NNMT: variants seen among roughly 807,000 people sequenced by gnomAD.
The protein encoded by NNMT is nicotinamide N-methyltransferase.
In NNMT, 10 loss-of-function variants were observed where a neutral mutation model predicts 11.7. The observed-to-expected ratio is 0.85, with a 90% CI of 0.53 to 1.45. The LOEUF (loss-of-function observed/expected upper bound fraction) is 1.45, where lower values mean the gene tolerates loss of function less well. Among genes scored for constraint, NNMT ranks in the 40% most tolerant of loss-of-function variants. The pLI is 0.00. For missense variants in NNMT, 381 were observed against 319.4 expected, an observed-to-expected ratio of 1.19 and a Z score of -1.47; for synonymous variants, 143 against 133.8, an observed-to-expected ratio of 1.07 and a Z score of -0.48.
chr11:114,306,517 A>G (rs1945493293), intron 2 of NNMT, among the ~76,000 whole-genome samples: 1 of 152,106 alleles, frequency 6.6e-6, no homozygotes, highest in African/African-American at 2.4e-5. Flanking sequence ...TCTTGAATTA[A>G]TTTTTGCATA....
chr11:114,295,379 C>G (rs1490483323), upstream of NNMT, among the ~76,000 whole-genome samples: 1 of 148,426 alleles, frequency 6.7e-6, no homozygotes, highest in African/African-American at 2.5e-5. Context: ...CATCCCTACT[C>G]TGTCTCAAAG....
chr11:114,289,160 T>C (rs546862037), intron 2 of NNMT, among the ~76,000 whole-genome samples: 7 of 152,344 alleles, frequency 4.6e-5, no homozygotes, highest in Admixed American at 4.6e-4. Flanking sequence ...ATTTAATGTT[T>C]CAATGTATAG....
chr11:114,270,341 GT>G (rs1389836444), intron 2 of NNMT: 11 of 152,282 alleles, frequency 7.2e-5, no homozygotes, highest in Admixed American at 3.9e-4. Flanking sequence ...GAGGAAACCT[GT>G]GCCCTTTCCC....
At chr11:114,294,905 A>C (rs1245049795), upstream of NNMT, among the ~76,000 whole-genome samples, 1 of 152,246 alleles carries the variant, frequency 6.6e-6, no homozygotes, top group African/African-American at 2.4e-5. Flanking sequence ...ACACAAGGCC[A>C]ATAGTCTTCC....
At chr11:114,298,358 GA>G in intron 2 of NNMT, 200 bp downstream of exon 2, 1 of 570,524 alleles carries the variant, frequency 1.8e-6, no homozygotes, top group Middle Eastern at 4.7e-4. Context: ...GTGTGCACCA[GA>G]GTAATGGAAG....
upstream of NNMT, among the ~76,000 whole-genome samples, chr11:114,292,699 T>G (rs953290558): frequency 6.6e-6 from 1 of 152,028 alleles, no homozygotes; most frequent in African/African-American, 2.4e-5. Context: ...TAAGGGTGGG[T>G]AGAGGGTCAT....
chr11:114,261,127 C>A (rs886473069), intron 1 of NNMT, among the ~76,000 whole-genome samples: 1 of 152,198 alleles, frequency 6.6e-6, no homozygotes, highest in Non-Finnish European at 1.5e-5. Flanking sequence ...ATTTCCAGAA[C>A]AGGAGCCCAC....
chr11:114,298,316 A>G (rs1941404), intron 2 of NNMT, 158 bp downstream of exon 2: 367,296 of 621,058 alleles, frequency 0.59, 109,824 homozygotes, highest in Admixed American at 0.63. Flanking sequence ...ATGTGTGTGC[A>G]TGTTAGTAAA....
In NNMT at chr11:114,270,840, T is replaced by A. The variant is rs557745180; in HGVS notation, c.-130+7906T>A. 1.3e-5 allele frequency among the ~76,000 whole-genome samples: 2 copies of A among 152,200 alleles called. 1 individual carries two copies. Among genetic ancestry groups the A allele is most frequent in the African/African-American group, 4.8e-5 (2 of 41,498 alleles). ...CCCAGGCTGGAGTGCAGTGGCAGGA[T>A]CTCAGCTCACTGCAACCTTTGCCTC... On this transcript the variant is annotated intron_variant, in intron 2 of 4. Transcript: ENST00000535401.
chr11:114,292,196 T>C (rs951502793), upstream of NNMT, among the ~76,000 whole-genome samples: 3 of 152,256 alleles, frequency 2.0e-5, no homozygotes, highest in African/African-American at 7.2e-5. Context: ...CCTCTACTGC[T>C]AATATATACA....
chr11:114,289,185 G>T (rs1333885001), intron 2 of NNMT, among the ~76,000 whole-genome samples: 8 of 152,138 alleles, frequency 5.3e-5, no homozygotes, highest in African/African-American at 1.9e-4. Context: ...AAAGTTATTT[G>T]TAATATCTTG....
intron 2 of NNMT, among the ~76,000 whole-genome samples, chr11:114,303,878 T>A (rs1028872889): frequency 6.6e-6 from 1 of 152,182 alleles, no homozygotes; most frequent in African/African-American, 2.4e-5. Flanking sequence ...AGCTGGCTAA[T>A]TTTTTGTAGA....
At chr11:114,295,918 A>T (rs1406952271), upstream of NNMT, 1 of 152,130 alleles carries the variant, frequency 6.6e-6, no homozygotes, top group East Asian at 1.9e-4. Flanking sequence ...GGGTCTCGGG[A>T]TGTTTGGCTG....
chr11:114,300,617 A>AT (rs1945429390), intron 2 of NNMT, among the ~76,000 whole-genome samples: 1 of 137,342 alleles, frequency 7.3e-6, no homozygotes, highest in Admixed American at 7.5e-5. Flanking sequence ...TGAGAGTGTT[A>AT]ATGTCTCAAA....
rs146536534 is a variant in NNMT at position 114,312,348 on chromosome 11, G to A, written c.666G>A (p.Glu222=). 2.3e-5 allele frequency: 37 copies of A among 1,614,150 alleles called. No homozygotes were observed. The highest frequency in any genetic ancestry group is 3.1e-5 in the Non-Finnish European group (36 of 1,180,048). Residue 222 remains glutamate (E), a synonymous_variant, in exon 3 of 3, where the codon GAG becomes GAA. Transcript: ENST00000299964. ...TCCCCCTGGGCCGGGAGGCAGTAGA[G>A]GCTGCTGTGAAAGAGGCTGGCTACA... is the stretch of plus-strand genomic sequence containing the variant. ...SSLPLGREAV[E]AAVKEAGYTI... is the part of the protein sequence containing the mutation.
chr11:114,293,588 A>T (rs1352959684), upstream of NNMT, among the ~76,000 whole-genome samples: 2 of 148,808 alleles, frequency 1.3e-5, no homozygotes, highest in Non-Finnish European at 3.0e-5. Context: ...CAACTACGAG[A>T]TATGATCTCA....
intron 1 of NNMT, among the ~76,000 whole-genome samples, chr11:114,258,478 C>T (rs1368570385): frequency 6.6e-6 from 1 of 152,212 alleles, no homozygotes; most frequent in Non-Finnish European, 1.5e-5. Flanking sequence ...CCACTCAGCA[C>T]GGCCAGGCCT....
chr11:114,309,271 A>G (rs1386954071), intron 2 of NNMT, among the ~76,000 whole-genome samples: 1 of 152,090 alleles, frequency 6.6e-6, no homozygotes, highest in Non-Finnish European at 1.5e-5. Flanking sequence ...TTTTGTTGTT[A>G]TTCTTAAAGT....
At chr11:114,276,462 C>T (rs946669961) in intron 2 of NNMT, among the ~76,000 whole-genome samples, 3 of 152,186 alleles carry the variant, frequency 2.0e-5, no homozygotes, top group Non-Finnish European at 2.9e-5. Flanking sequence ...CCTGCTACCT[C>T]ATTTGCTTTC....
Sources: allele counts gnomAD v4.1 joint callset (sites outside exome capture counted in the v4.1 genomes callset), GRCh38; gene constraint gnomAD v4.1.1; transcripts MANE v1.5; gene names NCBI Gene and HGNC (gene_info 2026-07-23, HGNC 2026-07-21).